The following RHOU variants were observed in gnomAD, a reference collection of about 807,000 sequenced individuals.
RHOU encodes ras homolog family member U.
Under a neutral mutation model 12.6 loss-of-function variants are expected in RHOU, and 8 were observed. The ratio of observed to expected loss-of-function variants is 0.64; its 90% CI spans 0.37 to 1.15. RHOU has a LOEUF of 1.15. RHOU is among the 50% of genes most tolerant of loss of function. The probability of loss-of-function intolerance (pLI) is 0.01; values close to 1 mark genes in which losing one functional copy is unlikely to be tolerated. For missense variants in RHOU, 258 were observed against 347.0 expected, an observed-to-expected ratio of 0.74 and a Z score of 2.04; for synonymous variants, 161 against 147.4, an observed-to-expected ratio of 1.09 and a Z score of -0.67.
At chr1:228,654,994 C>T in the RHOU span, among the ~76,000 whole-genome samples, 1 of 152,110 alleles carries the variant, frequency 6.6e-6, no homozygotes, top group Non-Finnish European at 1.5e-5. Context: ...TATAACAGAC[C>T]TCACCTAGTT....
chr1:228,679,738 G>C, the RHOU span, among the ~76,000 whole-genome samples: 1 of 152,144 alleles, frequency 6.6e-6, no homozygotes, highest in East Asian at 1.9e-4. Context: ...ATTGATCGGG[G>C]TAAGGGTGAT....
At chr1:228,678,615 C>G in the RHOU span, among the ~76,000 whole-genome samples, 1 of 152,038 alleles carries the variant, frequency 6.6e-6, no homozygotes, top group Non-Finnish European at 1.5e-5. Context: ...CCTCTTTCAG[C>G]CCATAAAACA....
the RHOU span, among the ~76,000 whole-genome samples, chr1:228,661,410 C>T: frequency 5.3e-5 from 8 of 152,260 alleles, no homozygotes; most frequent in South Asian, 2.1e-4. Flanking sequence ...GGAGGCATCA[C>T]GCTACCTGAC....
the RHOU span, among the ~76,000 whole-genome samples, chr1:228,701,809 CT>C: frequency 3.3e-5 from 5 of 151,046 alleles, no homozygotes; most frequent in South Asian, 6.3e-4. Flanking sequence ...TCTTTTACAG[CT>C]TTTTTTTAAT....
rs540597203 is a variant in RHOU, at chr1:228,737,867, C to G, written c.321+136C>G. On this transcript the variant is annotated intron_variant, in intron 2 of 2. Coordinates refer to ENST00000366691, the MANE Select transcript of RHOU (RefSeq NM_021205.6). This position sits in a 1 kb window ranked among gnomAD's most constrained non-coding sequence, Gnocchi z 4.1. ...AGTGGACCCACCCCTGCTGTTGGCC[C>G]TTCTCTGAGGGTGGGCAGGGGCCAG... 11 of 913,274 alleles carry G rather than the reference C, an allele frequency of 1.2e-5. No homozygotes were observed. The South Asian group carries it at 1.6e-4, about 13-fold the overall frequency. The allele number at this position is 913,274 out of a possible 1,614,324, so 56.6% of individuals were successfully genotyped here.
rs561769939 is a variant in RHOU, at chr1:228,735,976, C to T, written c.234C>T (p.Tyr78=). ...SYTTNGYPTE[Y]IPTAFDNFSA... ...CCACCAACGGCTACCCCACCGAGTACATCCCTACTGCCTTCGACAACTTCT... is the reference window on the plus strand; with the variant it reads ...CCACCAACGGCTACCCCACCGAGTATATCCCTACTGCCTTCGACAACTTCT... Residue 78 remains tyrosine, a synonymous_variant, in exon 1 of 3, where the codon TAC becomes TAT. Transcript: ENST00000366691. The surrounding 1 kb of genome is among the most constrained non-coding windows in gnomAD (Gnocchi z 8.1). 5 of 1,581,892 alleles carry T rather than the reference C, an allele frequency of 3.2e-6. No individual in the cohort carries two copies. The East Asian group carries it at 9.6e-5, about 30-fold the overall frequency.
the RHOU span, among the ~76,000 whole-genome samples, chr1:228,724,921 A>C: frequency 2.0e-5 from 3 of 152,236 alleles, no homozygotes; most frequent in African/African-American, 7.2e-5. Context: ...GATACACAGA[A>C]GGCCTTCAAC....
the RHOU span, among the ~76,000 whole-genome samples, chr1:228,705,180 T>C: frequency 6.6e-6 from 1 of 152,280 alleles, no homozygotes; most frequent in South Asian, 2.1e-4. Context: ...TAGGCATCCC[T>C]GGAAGAGCCT....
chr1:228,740,878 C>T (rs1226178203), intron 2 of RHOU, among the ~76,000 whole-genome samples: 2 of 151,986 alleles, frequency 1.3e-5, no homozygotes, highest in South Asian at 2.1e-4. Flanking sequence ...GGAGGGTAGG[C>T]GAGTCTATAA....
rs1662793002 is a variant in RHOU, at chr1:228,744,710, C to G, written c.*970C>G. ...TGGGACACAACACAGATAATTTTTT[C>G]TTAAGTCGGCCAAGATGTACTTCTC... On this transcript the variant is annotated 3_prime_UTR_variant, in exon 3 of 3. Coordinates refer to ENST00000366691, the MANE Select transcript of RHOU (RefSeq NM_021205.6). The G allele has an allele frequency of 1.3e-5, 2 of 152,170 alleles. No homozygotes were observed. Among genetic ancestry groups the G allele is most frequent in the South Asian group, 4.1e-4 (2 of 4,830 alleles). 9.4% of individuals were successfully genotyped at this position (152,170 alleles called of 1,614,324 possible). A position where few individuals can be genotyped will look rare whatever the true frequency, so the allele number is the denominator to read the frequency against.
chr1:228,743,458 C>G lies in RHOU; in HGVS notation c.495C>G (p.Leu165=), dbSNP rs370303164. 1.2e-6 allele frequency: 2 copies of G among 1,614,130 alleles called. No homozygotes were observed. Among genetic ancestry groups the G allele is most frequent in the Non-Finnish European group, 8.5e-7 (1 of 1,180,048 alleles). ...PIILVGTQSD[L]REDVKVLIEL... ...TCCTAGTTGGAACGCAGTCGGATCTCAGAGAAGATGTCAAAGTCCTCATTG... is the reference window on the plus strand; with the variant it reads ...TCCTAGTTGGAACGCAGTCGGATCTGAGAGAAGATGTCAAAGTCCTCATTG... The change falls in exon 3 of 3, where the codon CTC becomes CTG. Residue 165 remains leucine, a synonymous_variant. Transcript: ENST00000366691. The surrounding 1 kb of genome is among the most constrained non-coding windows in gnomAD (Gnocchi z 5.1).
intron 2 of RHOU, among the ~76,000 whole-genome samples, chr1:228,740,223 G>A (rs542260763): frequency 3.3e-5 from 5 of 152,286 alleles, no homozygotes; most frequent in East Asian, 1.9e-4. Context: ...AGGGAAAAAC[G>A]AAGGTTTTGG....
the RHOU span, among the ~76,000 whole-genome samples, chr1:228,664,304 G>A: frequency 6.6e-6 from 1 of 151,704 alleles, no homozygotes; most frequent in Admixed American, 6.6e-5. Context: ...GAGCCGCTGC[G>A]CTCGGCCTGG....
At chr1:228,687,345 A>G in the RHOU span, 180 of 764,676 alleles carry the variant, frequency 2.4e-4, 2 homozygotes, top group East Asian at 4.3e-3. Flanking sequence ...AATGGTACAA[A>G]TCAACGAACT....
At chr1:228,719,433 C>T in the RHOU span, among the ~76,000 whole-genome samples, 2 of 152,120 alleles carry the variant, frequency 1.3e-5, no homozygotes, top group Non-Finnish European at 2.9e-5. Context: ...CTCAAAATCA[C>T]ACAATTAATA....
At chr1:228,688,450 G>A in the RHOU span, among the ~76,000 whole-genome samples, 2 of 152,224 alleles carry the variant, frequency 1.3e-5, no homozygotes, top group South Asian at 4.2e-4. Context: ...AGATTTCCAG[G>A]GCATTTGGGT....
chr1:228,688,339 C>A, the RHOU span, among the ~76,000 whole-genome samples: 1 of 152,154 alleles, frequency 6.6e-6, no homozygotes, highest in Non-Finnish European at 1.5e-5. Flanking sequence ...AGGTTTCCCC[C>A]GAATCCTTCC....
chr1:228,648,945 A>G, the RHOU span, among the ~76,000 whole-genome samples: 2 of 151,380 alleles, frequency 1.3e-5, no homozygotes, highest in African/African-American at 4.9e-5. Flanking sequence ...GCTCACCGCA[A>G]CCTCCTCTTC....
the RHOU span, among the ~76,000 whole-genome samples, chr1:228,675,178 T>C: frequency 6.6e-6 from 1 of 152,204 alleles, no homozygotes; most frequent in Non-Finnish European, 1.5e-5. Flanking sequence ...GCACTGTTTC[T>C]TGAAAAGATC....
Sources: gnomAD v4.1 joint callset for allele counts (sites outside exome capture counted in the v4.1 genomes callset) on GRCh38, gnomAD v4.1.1 for gene constraint, Gnocchi (gnomAD v3.1) non-coding constraint, MANE v1.5 for transcripts, NCBI Gene and HGNC (gene_info 2026-07-23, HGNC 2026-07-21) for gene names.